The following CPQ variants were observed in gnomAD, a reference collection of about 807,000 sequenced individuals.
CPQ encodes Ser-Met dipeptidase.
CPQ carries 37 observed loss-of-function variants against 45.7 expected under a neutral mutation model. The ratio of observed to expected loss-of-function variants is 0.81; its 90% CI spans 0.62 to 1.07. The LOEUF is 1.07. Ranked by LOEUF, CPQ falls within the 50% of genes least tolerant of loss-of-function variation. The pLI, the probability that CPQ is intolerant of heterozygous loss-of-function variation, is 0.00. For missense variants in CPQ, 537 were observed against 572.9 expected, an observed-to-expected ratio of 0.94 and a Z score of 0.64; for synonymous variants, 186 against 205.8, an observed-to-expected ratio of 0.90 and a Z score of 0.82.
At chr8:96,931,018 C>G (rs1812967947) in intron 4 of CPQ, among the ~76,000 whole-genome samples, 1 of 152,158 alleles carries the variant, frequency 6.6e-6, no homozygotes, top group Non-Finnish European at 1.5e-5. Flanking sequence ...GTGTTCTTCC[C>G]CTGTCTTCTG....
chr8:96,950,507 C>T (rs1252262404), intron 4 of CPQ, among the ~76,000 whole-genome samples: 4 of 152,012 alleles, frequency 2.6e-5, no homozygotes, highest in Non-Finnish European at 5.9e-5. Flanking sequence ...TCTCCTCCTC[C>T]CCTCTCCCCA....
At chr8:97,073,618 G>A (rs956961751) in intron 7 of CPQ, among the ~76,000 whole-genome samples, 8 of 152,150 alleles carry the variant, frequency 5.3e-5, no homozygotes, top group Non-Finnish European at 1.2e-4. Flanking sequence ...CAACAAGCAT[G>A]TGTTGAGTGC....
chr8:96,717,488 T>TAGTC (rs1809697369), intron 1 of CPQ, among the ~76,000 whole-genome samples: 1 of 152,116 alleles, frequency 6.6e-6, no homozygotes, highest in East Asian at 1.9e-4. Context: ...AGCTGGGTAA[T>TAGTC]TTGATGCCTC....
At chr8:96,794,139 A>G (rs761148317) in intron 2 of CPQ, among the ~76,000 whole-genome samples, 6 of 152,174 alleles carry the variant, frequency 3.9e-5, no homozygotes, top group Non-Finnish European at 1.5e-5. Context: ...CTCTGATCCT[A>G]CTTTTCCCTT....
At chr8:96,913,101 C>T (rs1211934421) in intron 4 of CPQ, among the ~76,000 whole-genome samples, 1 of 152,140 alleles carries the variant, frequency 6.6e-6, no homozygotes, top group Admixed American at 6.5e-5. Context: ...AAATAATATT[C>T]TAGGGGGAAA....
chr8:96,791,906 C>G (rs543609139), intron 2 of CPQ, among the ~76,000 whole-genome samples: 2 of 152,212 alleles, frequency 1.3e-5, no homozygotes, highest in East Asian at 3.9e-4. Context: ...AAGGTCTCCT[C>G]TAGATTGGAA....
intron 1 of CPQ, among the ~76,000 whole-genome samples, chr8:96,733,349 G>A (rs554200835): frequency 4.4e-4 from 67 of 152,266 alleles, no homozygotes; most frequent in African/African-American, 1.6e-3. Context: ...ACTATTCTCA[G>A]TATTGGTGAA....
At chr8:96,653,401 T>G (rs1815600742) in intron 1 of CPQ, among the ~76,000 whole-genome samples, 1 of 152,188 alleles carries the variant, frequency 6.6e-6, no homozygotes, top group Admixed American at 6.5e-5. Flanking sequence ...TTTGTCCATT[T>G]TTTAATCAGG....
intron 3 of CPQ, among the ~76,000 whole-genome samples, chr8:96,863,002 A>G (rs1249099992): frequency 1.3e-5 from 2 of 152,122 alleles, no homozygotes; most frequent in African/African-American, 4.8e-5. Flanking sequence ...GAATTCTGCC[A>G]TACCATCCCT....
intron 4 of CPQ, among the ~76,000 whole-genome samples, chr8:96,937,787 A>T (rs1813073262): frequency 1.3e-5 from 2 of 152,248 alleles, no homozygotes; most frequent in African/African-American, 4.8e-5. Flanking sequence ...ACTAAACCTT[A>T]CAGAAGCTAA....
intron 2 of CPQ, among the ~76,000 whole-genome samples, chr8:96,804,635 A>G (rs934380038): frequency 6.6e-6 from 1 of 152,050 alleles, no homozygotes; most frequent in Admixed American, 6.6e-5. Flanking sequence ...TCACATAGGC[A>G]TCAATGAAAT....
intron 5 of CPQ, among the ~76,000 whole-genome samples, chr8:97,007,898 A>G (rs984739889): frequency 6.6e-6 from 1 of 152,224 alleles, no homozygotes; most frequent in South Asian, 2.1e-4. Context: ...CTGTTAGGAA[A>G]CAAACTCACT....
chr8:96,988,657 C>T (rs962956987), intron 5 of CPQ, among the ~76,000 whole-genome samples: 1 of 152,120 alleles, frequency 6.6e-6, no homozygotes, highest in Non-Finnish European at 1.5e-5. Flanking sequence ...TTCTAAGACA[C>T]GATCAGGAAA....
At chr8:96,734,349 C>G (rs78641108) in intron 1 of CPQ, among the ~76,000 whole-genome samples, 1 of 152,286 alleles carries the variant, frequency 6.6e-6, no homozygotes, top group Non-Finnish European at 1.5e-5. Flanking sequence ...TGGATATTCT[C>G]CAGTCCATTC....
intron 1 of CPQ, among the ~76,000 whole-genome samples, chr8:96,715,170 G>A (rs972035174): frequency 2.6e-5 from 4 of 152,182 alleles, no homozygotes; most frequent in African/African-American, 9.7e-5. Context: ...GGCCAAAGCA[G>A]GTGGGTAAAT....
intron 1 of CPQ, among the ~76,000 whole-genome samples, chr8:96,689,489 G>A (rs1809276611): frequency 6.6e-6 from 1 of 152,142 alleles, no homozygotes; most frequent in African/African-American, 2.4e-5. Flanking sequence ...GATTTATCAT[G>A]CATTTCTTGA....
At chr8:96,961,923 C>T (rs777978268) in intron 4 of CPQ, among the ~76,000 whole-genome samples, 4 of 152,146 alleles carry the variant, frequency 2.6e-5, no homozygotes, top group Non-Finnish European at 5.9e-5. Context: ...TCATTTTCAT[C>T]TCATAATCAG....
At chr8:96,854,264 G>C (rs1811810376) in intron 3 of CPQ, among the ~76,000 whole-genome samples, 1 of 151,946 alleles carries the variant, frequency 6.6e-6, no homozygotes, top group African/African-American at 2.4e-5. Flanking sequence ...GGGCGCGGTG[G>C]CTCACGCCTG....
intron 5 of CPQ, 122 bp from the exon 6 acceptor site, chr8:97,029,281 A>G (rs2130468935): frequency 2.3e-6 from 2 of 886,940 alleles, no homozygotes; most frequent in East Asian, 2.7e-5. Context: ...CAACCACACC[A>G]GTGAGAGTTG....
Sources: allele counts gnomAD v4.1 joint callset (sites outside exome capture counted in the v4.1 genomes callset), GRCh38; gene constraint gnomAD v4.1.1; transcripts MANE v1.5; gene names NCBI Gene and HGNC (gene_info 2026-07-23, HGNC 2026-07-21).